SERPINC1: variants seen among roughly 807,000 people sequenced by gnomAD.
SERPINC1 encodes serpin family C member 1, also known as antithrombin-III.
Under a neutral mutation model 43.4 loss-of-function variants are expected in SERPINC1, and 12 were observed. That is an observed-to-expected ratio of 0.28 (90% confidence interval 0.18 to 0.45). The LOEUF (loss-of-function observed/expected upper bound fraction) is 0.45. Ranked by LOEUF, SERPINC1 falls within the 20% of genes least tolerant of loss-of-function variation. The pLI is 1.00. For missense variants in SERPINC1, 423 were observed against 578.8 expected, an observed-to-expected ratio of 0.73 and a Z score of 2.76; for synonymous variants, 210 against 218.9, an observed-to-expected ratio of 0.96 and a Z score of 0.36.
At chr1:173,910,938 G>T (rs774877455) in intron 3 of SERPINC1, 47 bp from the exon 4 acceptor site, 1 of 1,604,510 alleles carries the variant, frequency 6.2e-7, no homozygotes, top group East Asian at 2.2e-5. Context: ...TATTCAATTG[G>T]CTTCTCCATT....
Position 173,911,900 on chromosome 1 carries a change from C to T in SERPINC1, c.523G>A (p.Ala175Thr), listed in dbSNP as rs1221281557. The change falls in exon 3 of 7, where the codon GCC becomes ACC. Residue 175 changes from alanine to threonine, a missense_variant. Physicochemically the swap from Ala to Thr is moderately conservative, Grantham distance 58. Coordinates refer to ENST00000367698, the MANE Select transcript of SERPINC1 (RefSeq NM_000488.4). ...KANKSSKLVS[A>T]NRLFGDKSLT... Reference sequence around the variant, plus strand: ...GATTTGTCTCCAAAAAGGCGATTGGCTGATACTAACTTGGAGGATTTGTTG... The same window carrying T: ...GATTTGTCTCCAAAAAGGCGATTGGTTGATACTAACTTGGAGGATTTGTTG... 6.2e-7 allele frequency: 1 copy of T among 1,614,180 alleles called. No homozygotes were observed. The highest frequency in any genetic ancestry group is 1.7e-5 in the Admixed American group (1 of 60,022).
At chr1:173,908,939 G>A (rs947116158) in intron 5 of SERPINC1, among the ~76,000 whole-genome samples, 1 of 152,170 alleles carries the variant, frequency 6.6e-6, no homozygotes, top group Non-Finnish European at 1.5e-5. Flanking sequence ...AGCCAAGGCA[G>A]GCGGATCACA....
chr1:173,904,113 A>G, intron 6 of SERPINC1, 48 bp from the exon 7 acceptor site: 1 of 1,582,538 alleles, frequency 6.3e-7, no homozygotes, highest in Non-Finnish European at 8.7e-7. Flanking sequence ...TCTGCCGTTC[A>G]TTTTTGGCAG....
At position 173,914,874 on chromosome 1, in the gene SERPINC1, G is replaced by C; in HGVS notation, c.87C>G (p.Cys29Trp). The change falls in exon 2 of 7, where the codon TGC becomes TGG. Residue 29 changes from cysteine to tryptophan, a missense_variant. Cys to Trp is a radical substitution (Grantham distance 215, BLOSUM62 -2). Transcript: ENST00000367698. Reference protein sequence around the residue: ...LSLLLIGFWDCVTCHGSPVDI... With the variant: ...LSLLLIGFWDWVTCHGSPVDI... ...CCACAGGGCTCCCGTGACAGGTCAC[G>C]CAGTCCCAGAAGCCAATGAGCAGCA... 2.5e-6 allele frequency: 4 copies of C among 1,614,166 alleles called. No individual in the cohort carries two copies. The highest frequency in any genetic ancestry group is 3.4e-6 in the Non-Finnish European group (4 of 1,180,032).
intron 2 of SERPINC1, among the ~76,000 whole-genome samples, chr1:173,912,345 G>A (rs1467458913): frequency 2.6e-5 from 4 of 152,174 alleles, no homozygotes; most frequent in Admixed American, 6.5e-5. Flanking sequence ...GAATCAGGAC[G>A]GTGTCCTTCT....
intron 3 of SERPINC1, among the ~76,000 whole-genome samples, chr1:173,911,351 C>T (rs1003116322): frequency 4.6e-5 from 7 of 152,176 alleles, no homozygotes; most frequent in African/African-American, 1.4e-4. Flanking sequence ...TGAGGAATGC[C>T]GATTGAATAA....
chr1:173,906,878 G>C (rs1283205689), intron 6 of SERPINC1, among the ~76,000 whole-genome samples: 1 of 152,146 alleles, frequency 6.6e-6, no homozygotes, highest in Admixed American at 6.5e-5. Context: ...AGCACTTTGG[G>C]GGTGCCAAGG....
Position 173,911,802 on chromosome 1 carries a change from G to T in SERPINC1, c.621C>A (p.Phe207Leu). 6.2e-7 allele frequency: 1 copy of T among 1,613,252 alleles called. No homozygotes were observed. Among genetic ancestry groups the T allele is most frequent in the African/African-American group, 1.3e-5 (1 of 75,028 alleles). ...VYGAKLQPLD[F>L]KENAEQSRAA... ...AGGGGTAACATCTGCAACTCACCTT[G>T]AAGTCCAGGGGCTGGAGCTTGGCTC... The change falls in exon 3 of 7, where the codon TTC becomes TTA. Residue 207 changes from phenylalanine (F) to leucine (L), a missense_variant. Phe to Leu is a conservative substitution (Grantham distance 22, BLOSUM62 0). Coordinates refer to ENST00000367698, the MANE Select transcript of SERPINC1 (RefSeq NM_000488.4).
In SERPINC1 at chr1:173,909,621, T is replaced by G. The variant is rs1166491615; in HGVS notation, c.1084A>C (p.Ser362Arg). 6.2e-7 allele frequency: 1 copy of G among 1,614,032 alleles called. No homozygotes were observed. Among genetic ancestry groups the G allele is most frequent in the Non-Finnish European group, 8.5e-7 (1 of 1,179,962 alleles). The change falls in exon 5 of 7, where the codon AGT (serine) becomes CGT (arginine). Residue 362 changes from serine to arginine, a missense_variant. By Grantham distance (110) the Ser-to-Arg change is moderately radical (BLOSUM62 -1). Coordinates refer to ENST00000367698, the MANE Select transcript of SERPINC1 (RefSeq NM_000488.4). ...ATGTCTTGCAGCTGCTCCTTCAAAC[T>G]GAAGCCGTCCTCAATGCGGAAGCGG... ...MPRFRIEDGF[S>R]LKEQLQDMGL... is the part of the protein sequence containing the mutation.
Position 173,917,317 on chromosome 1 carries a change from G to GCCTGAAAGAA in SERPINC1, c.-59_-58insTTCTTTCAGG, listed in dbSNP as rs1441176109. 6.5e-7 allele frequency: 1 copy of GCCTGAAAGAA among 1,528,466 alleles called. No individual in the cohort carries two copies. The highest frequency in any genetic ancestry group is 1.7e-5 in the Admixed American group (1 of 59,510). 94.7% of individuals were successfully genotyped at this position (1,528,466 alleles called of 1,614,324 possible). ...GAGATAGTGTGATCTGAGGCAATCC[G>GCCTGAAAGAA]CCTGAAAACTGGTTCTTTCCTCTAA... On this transcript the variant is annotated 5_prime_UTR_variant, in exon 1 of 7. Coordinates refer to ENST00000367698, the MANE Select transcript of SERPINC1 (RefSeq NM_000488.4).
chr1:173,909,516 G>A (rs531513129), intron 5 of SERPINC1, 36 bp downstream of exon 5: 133 of 1,609,992 alleles, frequency 8.3e-5, no homozygotes, highest in Non-Finnish European at 9.8e-5. Flanking sequence ...ACTACCTTGC[G>A]GGTGGAGAAG....
At chr1:173,908,748 G>C (rs61827936) in intron 5 of SERPINC1, among the ~76,000 whole-genome samples, 16,845 of 151,942 alleles carry the variant, frequency 0.11, 1,064 homozygotes, top group East Asian at 0.24. Flanking sequence ...TTTTTGTAGA[G>C]ACCATCTCAC....
rs532353637 is a variant in SERPINC1, at chr1:173,911,998, G to A, written c.425C>T (p.Thr142Ile). ...CTGATCAGATGTTTTCTCAGATATG[G>A]TGTCAAACTTAAATACCTATAGAAG... is the stretch of plus-strand genomic sequence containing the variant. ...QQLMEVFKFD[T>I]ISEKTSDQIH... is the part of the protein sequence containing the mutation. Residue 142 changes from threonine (T) to isoleucine (I), a missense_variant, in exon 3 of 7, where the codon ACC (threonine) becomes ATC (isoleucine). By Grantham distance (89) the Thr-to-Ile change is moderately conservative. Coordinates refer to ENST00000367698, the MANE Select transcript of SERPINC1 (RefSeq NM_000488.4). 1 of 1,613,828 alleles carries A rather than the reference G, an allele frequency of 6.2e-7. No homozygotes were observed. Among genetic ancestry groups the A allele is most frequent in the Non-Finnish European group, 8.5e-7 (1 of 1,179,728 alleles).
intron 1 of SERPINC1, among the ~76,000 whole-genome samples, chr1:173,916,473 G>A (rs904464777): frequency 6.6e-6 from 1 of 152,250 alleles, no homozygotes; most frequent in Non-Finnish European, 1.5e-5. Flanking sequence ...CCGGAGAGAA[G>A]CAGCGGCACC....
At position 173,908,779 on chromosome 1, in the gene SERPINC1, C is replaced by T. The variant is rs576581419; in HGVS notation, c.1153+773G>A. Among the ~76,000 whole-genome samples, 5 of 152,134 alleles carry T rather than the reference C, an allele frequency of 3.3e-5. 1 individual carries two copies. The highest frequency in any genetic ancestry group is 2.0e-4 in the Admixed American group (3 of 15,276). On this transcript the variant is annotated intron_variant, in intron 5 of 6. Coordinates refer to ENST00000367698, the MANE Select transcript of SERPINC1 (RefSeq NM_000488.4). ...CTCACTATGTTGTCCAGGCTGGTCT[C>T]GAACTCATGGGCTTAGACGATCCTC... is the stretch of plus-strand genomic sequence containing the variant.
At chr1:173,908,957 G>A (rs913701718) in intron 5 of SERPINC1, among the ~76,000 whole-genome samples, 1 of 152,178 alleles carries the variant, frequency 6.6e-6, no homozygotes, top group African/African-American at 2.4e-5. Flanking sequence ...ACAAGGTCAA[G>A]AGTTCAAGAC....
rs2227600 is a variant in SERPINC1, at chr1:173,914,290, A to C, written c.408+263T>G. Among the ~76,000 whole-genome samples, 679 of 152,368 alleles carry C rather than the reference A, an allele frequency of 4.5e-3. 2 individuals are homozygous for C. Among genetic ancestry groups the C allele is most frequent in the Non-Finnish European group, 7.6e-3 (517 of 68,036 alleles). On this transcript the variant is annotated intron_variant, in intron 2 of 6. Coordinates refer to ENST00000367698, the MANE Select transcript of SERPINC1 (RefSeq NM_000488.4). Reference sequence around the variant, plus strand: ...GAATTACTGAAAAGAAGTTGAGAGAAGATACAAGCCTTCCCCCATTTTAAG... The same window carrying C: ...GAATTACTGAAAAGAAGTTGAGAGACGATACAAGCCTTCCCCCATTTTAAG...
chr1:173,917,316 C>A lies in SERPINC1; in HGVS notation c.-57G>T, dbSNP rs372524963. 2 of 1,527,920 alleles carry A rather than the reference C, an allele frequency of 1.3e-6. No individual in the cohort carries two copies. The highest frequency in any genetic ancestry group is 1.8e-6 in the Non-Finnish European group (2 of 1,102,804). 94.6% of individuals were successfully genotyped at this position (1,527,920 alleles called of 1,614,324 possible). A position where few individuals can be genotyped will look rare whatever the true frequency, so the allele number is the denominator to read the frequency against. ...GGAGATAGTGTGATCTGAGGCAATC[C>A]GCCTGAAAACTGGTTCTTTCCTCTA... On this transcript the variant is annotated 5_prime_UTR_variant, in exon 1 of 7. Coordinates refer to ENST00000367698, the MANE Select transcript of SERPINC1 (RefSeq NM_000488.4).
At chr1:173,904,161 T>G in intron 6 of SERPINC1, 96 bp from the exon 7 acceptor site, 1 of 1,209,590 alleles carries the variant, frequency 8.3e-7, no homozygotes, top group Non-Finnish European at 1.2e-6. Context: ...CTCAAATGCT[T>G]TTGTTTTCCA....
Sources: allele counts gnomAD v4.1 joint callset (sites outside exome capture counted in the v4.1 genomes callset), GRCh38; gene constraint gnomAD v4.1.1; transcripts MANE v1.5; gene names NCBI Gene and HGNC (gene_info 2026-07-23, HGNC 2026-07-21).